The following ARHGAP30 variants were observed in gnomAD, a reference collection of about 807,000 sequenced individuals.
ARHGAP30 encodes the protein Rho GTPase activating protein 30.
A neutral mutation model predicts 72.0 loss-of-function variants in ARHGAP30; 23 were observed. The ratio of observed to expected loss-of-function variants is 0.32; its 90% CI spans 0.23 to 0.45. The LOEUF is 0.45. Ranked by LOEUF, ARHGAP30 falls within the 20% of genes least tolerant of loss-of-function variation. The pLI, the probability that ARHGAP30 is intolerant of heterozygous loss-of-function variation, is 1.00. For missense variants in ARHGAP30, 1,319 were observed against 1,383.4 expected, an observed-to-expected ratio of 0.95 and a Z score of 0.74; for synonymous variants, 576 against 528.2, an observed-to-expected ratio of 1.09 and a Z score of -1.24.
chr1:161,051,682 C>G lies in ARHGAP30; in HGVS notation c.1052G>C (p.Arg351Pro). Reference protein sequence around the residue: ...PEGLVGPSSPRPSPLLPESLE... With the variant: ...PEGLVGPSSPPPSPLLPESLE... ...GCTCTCAGGCAGCAATGGGCTTGGC[C>G]GGGGGCTGCTGGGCCCCACCAGCCC... Residue 351 changes from arginine (R) to proline (P), a missense_variant, in exon 10 of 12, where the codon CGG becomes CCG. By Grantham distance (103) the Arg-to-Pro change is moderately radical (BLOSUM62 -2). Coordinates refer to ENST00000368013, the MANE Select transcript of ARHGAP30 (RefSeq NM_001025598.2). The G allele has an allele frequency of 6.2e-7, 1 of 1,611,792 alleles. No homozygotes were observed. Among genetic ancestry groups the G allele is most frequent in the Non-Finnish European group, 8.5e-7 (1 of 1,179,478 alleles).
rs1323111681 is a variant in ARHGAP30 at position 161,048,163 on chromosome 1, A to G, written c.2858T>C (p.Met953Thr). ...KPQFAKMPSA[M>T]CSKIHVAPAN... ...AGGTGCCACATGAATCTTGCTACACATTGCACTGGGCATCTTGGCAAACTG... is the reference window on the plus strand; with the variant it reads ...AGGTGCCACATGAATCTTGCTACACGTTGCACTGGGCATCTTGGCAAACTG... Residue 953 changes from methionine (M) to threonine (T), a missense_variant, in exon 12 of 12, where the codon ATG (methionine) becomes ACG (threonine). This residue lies in a region of ARHGAP30 where 1,097 missense variants were observed against 1,045.2 expected (regional missense o/e 1.05). Transcript: ENST00000368013. 2.5e-6 allele frequency: 4 copies of G among 1,614,024 alleles called. No individual in the cohort carries two copies. Among genetic ancestry groups the G allele is most frequent in the Non-Finnish European group, 2.5e-6 (3 of 1,180,030 alleles).
intron 2 of ARHGAP30, among the ~76,000 whole-genome samples, chr1:161,058,974 A>T (rs1652118668): frequency 6.6e-6 from 1 of 152,174 alleles, no homozygotes; most frequent in South Asian, 2.1e-4. Context: ...ACTAAAAACA[A>T]CGGAGTTATA....
chr1:161,047,498 T>G lies in ARHGAP30; in HGVS notation c.*217A>C. The stretch of plus-strand genomic sequence containing the variant: ...TGGGAACAAGATCTTGTTGACTTTC[T>G]TGGGAATCTCCTAAGAGATAAGTGC... On this transcript the variant is annotated 3_prime_UTR_variant, in exon 12 of 12. Coordinates refer to ENST00000368013, the MANE Select transcript of ARHGAP30 (RefSeq NM_001025598.2). The G allele has an allele frequency of 2.5e-6, 1 of 398,396 alleles. No homozygotes were observed. Among genetic ancestry groups the G allele is most frequent in the Non-Finnish European group, 4.4e-6 (1 of 229,380 alleles). 24.7% of individuals were successfully genotyped at this position (398,396 alleles called of 1,614,324 possible).
At position 161,054,633 on chromosome 1, in the gene ARHGAP30, GGACAGGGAGTTCCC is replaced by G; in HGVS notation, c.404_417del (p.Arg135ProfsTer42). On this transcript the variant is annotated frameshift_variant, in exon 4 of 12. Coordinates refer to ENST00000368013, the MANE Select transcript of ARHGAP30 (RefSeq NM_001025598.2). LOFTEE classifies it high-confidence loss of function. ...TGGAGTGTCACATACCTGTAGTTTG[GGACAGGGAGTTCCC>G]GAAGCACCTCTAGGATCTTGACCAA... 2 of 1,613,966 alleles carry G rather than the reference GGACAGGGAGTTCCC, an allele frequency of 1.2e-6. No individual in the cohort carries two copies. The highest frequency in any genetic ancestry group is 1.7e-6 in the Non-Finnish European group (2 of 1,179,974).
At position 161,069,797 on chromosome 1, in the gene ARHGAP30, G is replaced by A. The variant is rs1031924614; in HGVS notation, c.-173C>T. ...CAACGGGCAGCAGCTCCTGCCCCTGGGGCCCCGGCCACACGGAAGTGGCTG... is the reference window on the plus strand; with the variant it reads ...CAACGGGCAGCAGCTCCTGCCCCTGAGGCCCCGGCCACACGGAAGTGGCTG... On this transcript the variant is annotated 5_prime_UTR_variant, in exon 1 of 12. Transcript: ENST00000368013. This position sits in a 1 kb window ranked among gnomAD's most constrained non-coding sequence, Gnocchi z 4.9. 6 of 631,474 alleles carry A rather than the reference G, an allele frequency of 9.5e-6. No homozygotes were observed. Among genetic ancestry groups the A allele is most frequent in the Non-Finnish European group, 1.7e-5 (6 of 363,062 alleles). 39.1% of individuals were successfully genotyped at this position (631,474 alleles called of 1,614,324 possible).
intron 3 of ARHGAP30, 151 bp downstream of exon 3, chr1:161,056,237 G>A: frequency 9.6e-7 from 1 of 1,047,110 alleles, no homozygotes; most frequent in Non-Finnish European, 1.4e-6. Context: ...GGAGATTTGG[G>A]GAGGAGGGGT....
intron 10 of ARHGAP30, among the ~76,000 whole-genome samples, chr1:161,050,383 C>G (rs1651263001): frequency 6.7e-6 from 1 of 149,534 alleles, no homozygotes. Context: ...ACTGCAACCT[C>G]CACCTCCTGG....
intron 5 of ARHGAP30, 149 bp downstream of exon 5, chr1:161,054,217 C>T: frequency 1.4e-6 from 1 of 698,464 alleles, no homozygotes. Context: ...TCCGACCCAC[C>T]ATGATCTTGA....
chr1:161,054,788 C>A, intron 3 of ARHGAP30, 83 bp from the exon 4 acceptor site: 1 of 1,235,448 alleles, frequency 8.1e-7, no homozygotes, highest in South Asian at 1.2e-5. Context: ...ACCAAGTTCT[C>A]AGGAACAATG....
intron 3 of ARHGAP30, among the ~76,000 whole-genome samples, chr1:161,055,804 TAATAAAATAA>T (rs1164321296): frequency 2.0e-3 from 91 of 45,134 alleles, no homozygotes; most frequent in Middle Eastern, 0.011. Flanking sequence ...TAAAATAAAA[TAATAAAATAA>T]AATAAAATAA....
At position 161,061,756 on chromosome 1, in the gene ARHGAP30, T is replaced by C. The variant is rs1652327873; in HGVS notation, c.98-2040A>G. On this transcript the variant is annotated intron_variant, in intron 1 of 11. Transcript: ENST00000368013. ...ATCTAAGTGTGATCCATCTTGGTAT[T>C]CCTTATATTATCTGACATGGTGTCT... 1.3e-5 allele frequency among the ~76,000 whole-genome samples: 2 copies of C among 152,116 alleles called. 1 individual carries two copies. The highest frequency in any genetic ancestry group is 1.3e-4 in the Admixed American group (2 of 15,270).
rs1650952245 is a variant in ARHGAP30, at chr1:161,047,646, C to T, written c.*69G>A. 2.0e-6 allele frequency: 3 copies of T among 1,466,828 alleles called. No individual in the cohort carries two copies. Among genetic ancestry groups the T allele is most frequent in the African/African-American group, 1.4e-5 (1 of 70,600 alleles). 90.9% of individuals were successfully genotyped at this position (1,466,828 alleles called of 1,614,324 possible). ...ACAGCTGCTCATGCTGCAGAGGAGA[C>T]AGCTAGTCAGGAACCCTGGAGATTC... On this transcript the variant is annotated 3_prime_UTR_variant, in exon 12 of 12. Coordinates refer to ENST00000368013, the MANE Select transcript of ARHGAP30 (RefSeq NM_001025598.2).
chr1:161,051,840 C>G, intron 9 of ARHGAP30, 125 bp from the exon 10 acceptor site: 4 of 1,431,998 alleles, frequency 2.8e-6, no homozygotes, highest in Non-Finnish European at 3.6e-6. Context: ...GCCTGGAAGG[C>G]ACCAGGCCCA....
At chr1:161,059,737 G>T in intron 1 of ARHGAP30, 21 bp from the exon 2 acceptor site, 2 of 1,599,136 alleles carry the variant, frequency 1.3e-6, no homozygotes, top group South Asian at 2.2e-5. Context: ...AGACGGGGCA[G>T]AGACATAGAA....
chr1:161,048,892 C>G lies in ARHGAP30; in HGVS notation c.2129G>C (p.Arg710Thr), dbSNP rs893904141. The change falls in exon 12 of 12, where the codon AGG becomes ACG. Residue 710 changes from arginine to threonine, a missense_variant. Coordinates refer to ENST00000368013, the MANE Select transcript of ARHGAP30 (RefSeq NM_001025598.2). ...ETKVRLREGS[R>T]EETEAKEEKS... is the part of the protein sequence containing the mutation. ...CTCTTCCTTGGCCTCTGTCTCTTCC[C>G]TACTCCCTTCTCTCAATCTGACTTT... The G allele has an allele frequency of 6.2e-7, 1 of 1,613,926 alleles. No individual in the cohort carries two copies. Among genetic ancestry groups the G allele is most frequent in the Admixed American group, 1.7e-5 (1 of 59,986 alleles).
chr1:161,056,781 G>A (rs1651907993), intron 2 of ARHGAP30, among the ~76,000 whole-genome samples: 2 of 152,204 alleles, frequency 1.3e-5, no homozygotes, highest in Admixed American at 6.5e-5. Flanking sequence ...GATATGTTAG[G>A]GATGTAGCTG....
rs994902790 is a variant in ARHGAP30, at chr1:161,051,713, G to C, written c.1021C>G (p.Pro341Ala). The change falls in exon 10 of 12, where the codon CCA (proline) becomes GCA (alanine). Residue 341 changes from proline to alanine, a missense_variant and splice_region_variant. Physicochemically the swap from Pro to Ala is conservative, Grantham distance 27. Around this residue, in one of 2 missense-constraint regions of ARHGAP30, gnomAD observed 1,097 missense variants for 1,045.2 expected, o/e 1.05. Coordinates refer to ENST00000368013, the MANE Select transcript of ARHGAP30 (RefSeq NM_001025598.2). Reference sequence around the variant, plus strand: ...CTGCTGGGCCCCACCAGCCCCTCTGGCTCTGTGGAGGAAAAAGAGGGCCAG... The same window carrying C: ...CTGCTGGGCCCCACCAGCCCCTCTGCCTCTGTGGAGGAAAAAGAGGGCCAG... ...LSAAAGASDE[P>A]EGLVGPSSPR... 14 of 1,602,572 alleles carry C rather than the reference G, an allele frequency of 8.7e-6. No homozygotes were observed. The highest frequency in any genetic ancestry group is 1.7e-4 in the Middle Eastern group (1 of 5,932).
At chr1:161,050,444 A>T (rs1393534912) in intron 10 of ARHGAP30, among the ~76,000 whole-genome samples, 1 of 151,234 alleles carries the variant, frequency 6.6e-6, no homozygotes, top group Non-Finnish European at 1.5e-5. Context: ...GATTACAGGC[A>T]TGCCTCACCA....
At chr1:161,052,970 G>T in intron 6 of ARHGAP30, 173 bp from the exon 7 acceptor site, 1 of 957,698 alleles carries the variant, frequency 1.0e-6, no homozygotes, top group Non-Finnish European at 1.5e-6. Flanking sequence ...GGACAAAGAG[G>T]GCTGGGAGAT....
Sources: allele counts gnomAD v4.1 joint callset (sites outside exome capture counted in the v4.1 genomes callset), GRCh38; gene constraint gnomAD v4.1.1; regional missense constraint gnomAD v4.1.1; non-coding constraint Gnocchi (gnomAD v3.1); transcripts MANE v1.5; gene names NCBI Gene and HGNC (gene_info 2026-07-23, HGNC 2026-07-21).